The following ROR1 variants were observed in gnomAD, a reference collection of about 807,000 sequenced individuals.
ROR1 encodes the protein ROR family WNT receptor 1.
Under a neutral mutation model 78.8 loss-of-function variants are expected in ROR1, and 19 were observed. The observed-to-expected ratio is 0.24, with a 90% confidence interval of 0.17 to 0.35. The LOEUF (loss-of-function observed/expected upper bound fraction) is 0.35. Ranked by LOEUF, ROR1 falls within the 10% of genes least tolerant of loss-of-function variation. The pLI, the probability that ROR1 is intolerant of heterozygous loss-of-function variation, is 1.00. For missense variants in ROR1, 917 were observed against 1,177.8 expected (o/e 0.78, Z 3.24); for synonymous variants, 386 against 433.6 (o/e 0.89, Z 1.36).
At chr1:64,164,635 C>T (rs1036016983) in intron 8 of ROR1, among the ~76,000 whole-genome samples, 1 of 151,890 alleles carries the variant, frequency 6.6e-6, no homozygotes, top group Admixed American at 6.6e-5. Flanking sequence ...TGTACAAGGG[C>T]AGGTTTGTTA....
intron 1 of ROR1, among the ~76,000 whole-genome samples, chr1:63,922,040 G>T (rs1420276990): frequency 6.6e-6 from 1 of 152,190 alleles, no homozygotes; most frequent in Non-Finnish European, 1.5e-5. Flanking sequence ...TTCAGGAGAT[G>T]CATAGAGCTT....
chr1:64,134,779 C>T (rs1435796183), intron 4 of ROR1, among the ~76,000 whole-genome samples: 2 of 143,914 alleles, frequency 1.4e-5, no homozygotes, highest in Non-Finnish European at 1.5e-5. Context: ...GATGGAGTCT[C>T]ACTCTGTCAC....
chr1:63,986,110 T>C (rs1311824149), intron 1 of ROR1, among the ~76,000 whole-genome samples: 1 of 152,114 alleles, frequency 6.6e-6, no homozygotes, highest in Admixed American at 6.6e-5. Flanking sequence ...AATATGCAGA[T>C]AAACTTGAAA....
rs899009410 is a variant in ROR1, at chr1:64,151,544, C to T, written c.1175-7437C>T. Among the ~76,000 whole-genome samples the T allele has an allele frequency of 3.5e-4, 53 of 151,942 alleles. 1 individual carries two copies. The highest frequency in any genetic ancestry group is 1.3e-4 in the Non-Finnish European group (9 of 67,990). ...GGAAATGTCATCACTGACTTTAAAT[C>T]GCTTCATAAGAGTCAGCTTTAAATA... is the stretch of plus-strand genomic sequence containing the variant. On this transcript the variant is annotated intron_variant, in intron 7 of 8. Coordinates refer to ENST00000371079, the MANE Select transcript of ROR1 (RefSeq NM_005012.4).
At chr1:64,116,180 C>A (rs1206412060) in intron 4 of ROR1, among the ~76,000 whole-genome samples, 2 of 152,314 alleles carry the variant, frequency 1.3e-5, no homozygotes, top group East Asian at 3.9e-4. Flanking sequence ...AATCCATGCT[C>A]TTCTATAGAA....
intron 1 of ROR1, among the ~76,000 whole-genome samples, chr1:63,838,418 A>T (rs751729838): frequency 1.3e-5 from 2 of 152,036 alleles, no homozygotes; most frequent in African/African-American, 2.4e-5. Context: ...GGTGGAAGAC[A>T]GTGATATTGA....
intron 1 of ROR1, among the ~76,000 whole-genome samples, chr1:63,792,430 G>A (rs893852424): frequency 6.6e-6 from 1 of 152,136 alleles, no homozygotes; most frequent in Non-Finnish European, 1.5e-5. Flanking sequence ...AATACGAAGA[G>A]GGAGCAGTTC....
At chr1:63,987,952 T>G (rs1189687571) in intron 1 of ROR1, among the ~76,000 whole-genome samples, 3 of 152,198 alleles carry the variant, frequency 2.0e-5, no homozygotes, top group African/African-American at 7.2e-5. Context: ...GAAGATTTGC[T>G]GTGAAATACA....
At chr1:63,776,605 C>T (rs1226941588) in intron 1 of ROR1, among the ~76,000 whole-genome samples, 1 of 152,166 alleles carries the variant, frequency 6.6e-6, no homozygotes, top group Non-Finnish European at 1.5e-5. Context: ...AGGGGTCGAT[C>T]TTTAAGTACC....
rs750230725 is a variant in ROR1, at chr1:64,140,307, A to T, written c.809A>T (p.Asn270Ile). 1 of 1,614,150 alleles carries T rather than the reference A, an allele frequency of 6.2e-7. No homozygotes were observed. Among genetic ancestry groups the T allele is most frequent in the South Asian group, 1.1e-5 (1 of 91,080 alleles). ...ACAGAGTACATTTTTGCAAGATCAA[A>T]TCCCATGATTCTGATGAGGCTGAAA... ...CQTEYIFARS[N>I]PMILMRLKLP... Residue 270 changes from asparagine to isoleucine, a missense_variant, in exon 6 of 9, where the codon AAT becomes ATT. Asn to Ile is a moderately radical substitution (Grantham distance 149). Coordinates refer to ENST00000371079, the MANE Select transcript of ROR1 (RefSeq NM_005012.4).
intron 7 of ROR1, among the ~76,000 whole-genome samples, chr1:64,151,048 T>G (rs2100721865): frequency 6.6e-6 from 1 of 152,326 alleles, no homozygotes; most frequent in African/African-American, 2.4e-5. Flanking sequence ...TAACAAACTG[T>G]TTTTTGGTTA....
chr1:64,017,279 G>A (rs764455404), intron 2 of ROR1, among the ~76,000 whole-genome samples: 1 of 152,058 alleles, frequency 6.6e-6, no homozygotes, highest in Non-Finnish European at 1.5e-5. Context: ...TATATCTCCT[G>A]TATCCCTTTG....
chr1:64,054,627 A>C (rs1646859416), intron 4 of ROR1, among the ~76,000 whole-genome samples: 1 of 152,222 alleles, frequency 6.6e-6, no homozygotes, highest in South Asian at 2.1e-4. Context: ...TTATTGTAGA[A>C]TATATTACAA....
chr1:64,038,748 A>G lies in ROR1; in HGVS notation c.164-10943A>G, dbSNP rs111824502. 3.8e-3 allele frequency among the ~76,000 whole-genome samples: 574 copies of G among 152,158 alleles called. 6 individuals are homozygous for G. The highest frequency in any genetic ancestry group is 0.013 in the African/African-American group (551 of 41,522). On this transcript the variant is annotated intron_variant, in intron 2 of 8. Coordinates refer to ENST00000371079, the MANE Select transcript of ROR1 (RefSeq NM_005012.4). The stretch of plus-strand genomic sequence containing the variant: ...CAGGCTCTTAGGTTTTTGTTTATCT[A>G]TTTATAATAGATAGCAAAATAAAAA...
intron 1 of ROR1, among the ~76,000 whole-genome samples, chr1:63,961,089 T>G (rs1409660759): frequency 6.6e-6 from 1 of 152,156 alleles, no homozygotes; most frequent in Admixed American, 6.5e-5. Context: ...CTTTCCTTCT[T>G]CCCTCCATTC....
At chr1:63,985,501 C>T (rs2100514112) in intron 1 of ROR1, among the ~76,000 whole-genome samples, 1 of 152,212 alleles carries the variant, frequency 6.6e-6, no homozygotes, top group East Asian at 1.9e-4. Flanking sequence ...TGAGCACCAA[C>T]ATGATGCCAC....
At chr1:64,055,926 C>T (rs75841925) in intron 4 of ROR1, among the ~76,000 whole-genome samples, 6,546 of 152,106 alleles carry the variant, frequency 0.043, 466 homozygotes, top group African/African-American at 0.15. Context: ...AAGTAGAATC[C>T]GACAATATTT....
intron 1 of ROR1, among the ~76,000 whole-genome samples, chr1:63,952,648 T>C (rs1253088444): frequency 6.6e-6 from 1 of 152,078 alleles, no homozygotes; most frequent in Non-Finnish European, 1.5e-5. Flanking sequence ...AAAGGTACCT[T>C]TGCCTGAAGC....
chr1:64,125,453 A>G (rs1648677556), intron 4 of ROR1, among the ~76,000 whole-genome samples: 1 of 152,140 alleles, frequency 6.6e-6, no homozygotes, highest in Admixed American at 6.5e-5. Context: ...AAACATTCCA[A>G]CTGGAAATGA....
Sources: allele counts gnomAD v4.1 joint callset (sites outside exome capture counted in the v4.1 genomes callset), GRCh38; gene constraint gnomAD v4.1.1; transcripts MANE v1.5; gene names NCBI Gene and HGNC (gene_info 2026-07-23, HGNC 2026-07-21).